ERBB4: variants seen among roughly 807,000 people sequenced by gnomAD.
ERBB4 encodes the protein receptor tyrosine-protein kinase erbB-4.
Under a neutral mutation model 158.0 loss-of-function variants are expected in ERBB4, and 42 were observed. That is an observed-to-expected ratio of 0.27 (90% CI 0.21 to 0.34). The LOEUF is 0.34. Ranked by LOEUF, ERBB4 falls within the 10% of genes least tolerant of loss-of-function variation. ERBB4 has a pLI of 1.00. For synonymous variants in ERBB4, 583 were observed against 558.7 expected, an observed-to-expected ratio of 1.04 and a Z score of -0.61; for missense variants, 1,333 against 1,624.1, an observed-to-expected ratio of 0.82 and a Z score of 3.08.
chr2:211,491,879 A>G (rs2065351795), intron 20 of ERBB4, among the ~76,000 whole-genome samples: 1 of 152,070 alleles, frequency 6.6e-6, no homozygotes, highest in Admixed American at 6.6e-5. Flanking sequence ...AATGGTAATG[A>G]TAATGTTAAA....
At chr2:211,741,695 C>A (rs1169610961) in intron 5 of ERBB4, among the ~76,000 whole-genome samples, 1 of 152,026 alleles carries the variant, frequency 6.6e-6, no homozygotes, top group African/African-American at 2.4e-5. Context: ...TTATATATAC[C>A]TTTATGCCCC....
chr2:211,739,594 G>T (rs1190642672), intron 5 of ERBB4, among the ~76,000 whole-genome samples: 1 of 152,140 alleles, frequency 6.6e-6, no homozygotes, highest in Non-Finnish European at 1.5e-5. Flanking sequence ...GTCCCGAGTA[G>T]CTGGGACTAC....
chr2:212,368,732 C>T (rs928638454), intron 1 of ERBB4, among the ~76,000 whole-genome samples: 3 of 152,078 alleles, frequency 2.0e-5, no homozygotes, highest in Non-Finnish European at 2.9e-5. Flanking sequence ...ACATATACCA[C>T]CACTCTTTTT....
chr2:212,162,518 A>T (rs1259342653), intron 1 of ERBB4, among the ~76,000 whole-genome samples: 1 of 151,878 alleles, frequency 6.6e-6, no homozygotes, highest in Non-Finnish European at 1.5e-5. Context: ...TTGATAAAAC[A>T]TAGTGAATAT....
intron 3 of ERBB4, among the ~76,000 whole-genome samples, chr2:211,805,870 C>T (rs974723532): frequency 2.6e-5 from 4 of 151,194 alleles, no homozygotes; most frequent in African/African-American, 9.7e-5. Flanking sequence ...TTGCAAATGT[C>T]ATATCTGATA....
In ERBB4 at chr2:212,327,721, TTTTTTTC is replaced by T. The variant is rs1376674292; in HGVS notation, c.83-202825_83-202819del. Among the ~76,000 whole-genome samples, 10 of 32,748 alleles carry T rather than the reference TTTTTTTC, an allele frequency of 3.1e-4. No individual in the cohort carries two copies. In the South Asian group the frequency reaches 6.0e-3, roughly 20 times the overall value. The allele number at this position is 32,748 out of a possible 152,430, so 21.5% of individuals were successfully genotyped here. A position where few individuals can be genotyped will look rare whatever the true frequency, so the allele number is the denominator to read the frequency against. ...CCCTTTAACGATTCTTTTTTTTTTC[TTTTTTTC>T]TTTTTTTTTTTTTGTAGGGGAGAGA... On this transcript the variant is annotated intron_variant, in intron 1 of 27. Transcript: ENST00000342788.
chr2:212,306,666 C>G (rs1365436425), intron 1 of ERBB4, among the ~76,000 whole-genome samples: 2 of 151,188 alleles, frequency 1.3e-5, no homozygotes, highest in African/African-American at 4.8e-5. Flanking sequence ...CTGGTAAAAG[C>G]AGCCCAGTTT....
chr2:212,224,454 G>A (rs1053016699), intron 1 of ERBB4, among the ~76,000 whole-genome samples: 1 of 151,714 alleles, frequency 6.6e-6, no homozygotes, highest in African/African-American at 2.4e-5. Context: ...CAAGATTGCT[G>A]GTATAAATAA....
chr2:212,420,566 A>T (rs2091769221), intron 1 of ERBB4, among the ~76,000 whole-genome samples: 1 of 152,166 alleles, frequency 6.6e-6, no homozygotes, highest in South Asian at 2.1e-4. Context: ...AGTTTGAATC[A>T]TAAGCACACA....
intron 1 of ERBB4, among the ~76,000 whole-genome samples, chr2:212,242,148 T>C (rs2106018241): frequency 6.6e-6 from 1 of 152,004 alleles, no homozygotes. Flanking sequence ...CTTACAATTT[T>C]ATATACCTGA....
At chr2:212,189,133 A>G (rs1399090187) in intron 1 of ERBB4, among the ~76,000 whole-genome samples, 1 of 151,106 alleles carries the variant, frequency 6.6e-6, no homozygotes, top group Non-Finnish European at 1.5e-5. Context: ...TTAGCATCCT[A>G]ATCTGAAAAT....
At chr2:211,745,644 T>C (rs2074942493) in intron 5 of ERBB4, among the ~76,000 whole-genome samples, 1 of 150,786 alleles carries the variant, frequency 6.6e-6, no homozygotes, top group South Asian at 2.1e-4. Context: ...GGGTTTTGGA[T>C]ATATTAAAAA....
chr2:212,507,002 G>A (rs1017732247), intron 1 of ERBB4, among the ~76,000 whole-genome samples: 3 of 152,156 alleles, frequency 2.0e-5, no homozygotes, highest in African/African-American at 7.2e-5. Flanking sequence ...CAGGCTGACT[G>A]TTTTTCAGGG....
At chr2:212,159,327 G>A (rs929525387) in intron 1 of ERBB4, among the ~76,000 whole-genome samples, 6 of 149,454 alleles carry the variant, frequency 4.0e-5, no homozygotes, top group Non-Finnish European at 7.4e-5. Context: ...ATATAATTCC[G>A]TGACTTTGTT....
chr2:212,095,549 G>C (rs894189107), intron 2 of ERBB4, among the ~76,000 whole-genome samples: 4 of 152,166 alleles, frequency 2.6e-5, no homozygotes, highest in African/African-American at 9.7e-5. Flanking sequence ...AAAGAACAGA[G>C]AAAAAGGCTT....
chr2:211,766,747 T>A (rs141464681), intron 4 of ERBB4, among the ~76,000 whole-genome samples: 1 of 152,036 alleles, frequency 6.6e-6, no homozygotes, highest in African/African-American at 2.4e-5. Flanking sequence ...TTTCCTAGAA[T>A]GGAATCAAAA....
At chr2:211,489,508 A>G (rs2065285722) in intron 20 of ERBB4, among the ~76,000 whole-genome samples, 1 of 152,014 alleles carries the variant, frequency 6.6e-6, no homozygotes, top group East Asian at 1.9e-4. Flanking sequence ...AGTTATTATA[A>G]AAATATGGTT....
Position 212,296,598 on chromosome 2 carries a change from C to T in ERBB4, c.83-171695G>A, listed in dbSNP as rs1236585740. 2.0e-5 allele frequency among the ~76,000 whole-genome samples: 3 copies of T among 152,042 alleles called. No individual in the cohort carries two copies. The East Asian group carries it at 5.9e-4, about 30-fold the overall frequency. ...GCCTCTATAACAGATAATTTGCACA[C>T]TCCCTTCCCCAGTCCATTATCTGCC... On this transcript the variant is annotated intron_variant, in intron 1 of 27. Coordinates refer to ENST00000342788, the MANE Select transcript of ERBB4 (RefSeq NM_005235.3).
At chr2:211,877,547 G>A (rs999972261) in intron 3 of ERBB4, among the ~76,000 whole-genome samples, 11 of 148,974 alleles carry the variant, frequency 7.4e-5, no homozygotes, top group East Asian at 1.9e-4. Flanking sequence ...TGATTATGCC[G>A]CCTTCCTCTT....
Sources: allele counts gnomAD v4.1 joint callset (sites outside exome capture counted in the v4.1 genomes callset), GRCh38; gene constraint gnomAD v4.1.1; transcripts MANE v1.5; gene names NCBI Gene and HGNC (gene_info 2026-07-23, HGNC 2026-07-21).